GLDC: variants seen among roughly 807,000 people sequenced by gnomAD.
The protein encoded by GLDC is glycine decarboxylase.
Under a neutral mutation model 121.3 loss-of-function variants are expected in GLDC, and 104 were observed. The ratio of observed to expected loss-of-function variants is 0.86; its 90% CI spans 0.73 to 1.01. The LOEUF is 1.01. Ranked by LOEUF, GLDC falls within the 50% of genes least tolerant of loss-of-function variation. The pLI, the probability that GLDC is intolerant of heterozygous loss-of-function variation, is 0.00. For missense variants in GLDC, 1,429 were observed against 1,306.6 expected (o/e 1.09, Z -1.44); for synonymous variants, 546 against 480.6 (o/e 1.14, Z -1.78).
chr9:6,560,978 A>T (rs1452744231), intron 16 of GLDC, among the ~76,000 whole-genome samples: 2 of 152,216 alleles, frequency 1.3e-5, no homozygotes, highest in African/African-American at 4.8e-5. Context: ...CTGAAGCAGG[A>T]AGCTCGAGCC....
intron 2 of GLDC, 114 bp from the exon 3 acceptor site, chr9:6,620,433 A>T (rs1819067913): frequency 1.1e-6 from 1 of 909,484 alleles, no homozygotes; most frequent in Non-Finnish European, 1.8e-6. Context: ...CTATATGGAA[A>T]ATGTAAGAGT....
At chr9:6,629,957 A>ATATATTTTTTTTT in intron 2 of GLDC, among the ~76,000 whole-genome samples, 8 of 83,046 alleles carry the variant, frequency 9.6e-5, no homozygotes, top group African/African-American at 2.1e-4. Flanking sequence ...ATATATATAT[A>ATATATTTTTTTTT]TTTTTTTTTT....
intron 21 of GLDC, among the ~76,000 whole-genome samples, chr9:6,550,216 CTTATGGTA>C (rs1170731777): frequency 6.6e-6 from 1 of 152,200 alleles, no homozygotes; most frequent in Non-Finnish European, 1.5e-5. Context: ...AAATAATTAG[CTTATGGTA>C]TTTATGTACA....
chr9:6,634,306 G>T (rs1320226014), intron 2 of GLDC, among the ~76,000 whole-genome samples: 1 of 151,940 alleles, frequency 6.6e-6, no homozygotes, highest in Non-Finnish European at 1.5e-5. Flanking sequence ...AAGGCAGGCG[G>T]GTTGCTTGAG....
chr9:6,593,287 A>AT lies in GLDC; in HGVS notation c.1262-298_1262-297insA, dbSNP rs1377266695. ...GTATCAGATATATATATATATATAT[A>AT]AAATTATACCTTTTTTTTTTTGAGA... On this transcript the variant is annotated intron_variant, in intron 9 of 24. Transcript: ENST00000321612. Among the ~76,000 whole-genome samples, 506 of 149,864 alleles carry AT rather than the reference A, an allele frequency of 3.4e-3. 8 individuals carry two copies. Among genetic ancestry groups the AT allele is most frequent in the Non-Finnish European group, 3.2e-3 (214 of 67,568 alleles).
intron 4 of GLDC, among the ~76,000 whole-genome samples, chr9:6,608,044 A>G (rs972591486): frequency 1.3e-5 from 2 of 151,976 alleles, no homozygotes; most frequent in African/African-American, 4.8e-5. Context: ...GATTACTTGA[A>G]CTGGGGAAGT....
intron 5 of GLDC, chr9:6,605,498 T>C (rs1818711653): frequency 1.7e-6 from 1 of 596,046 alleles, no homozygotes; most frequent in East Asian, 3.1e-5. Flanking sequence ...TTCTATCCTC[T>C]GACTCCCCTT....
At chr9:6,533,195 G>A (rs764113678) in intron 24 of GLDC, 35 bp from the exon 25 acceptor site, 37 of 1,604,808 alleles carry the variant, frequency 2.3e-5, no homozygotes, top group Non-Finnish European at 2.9e-5. Flanking sequence ...GCTGTGAGAT[G>A]TTCTGGGAGG....
At chr9:6,617,887 T>TA (rs1818996935) in intron 3 of GLDC, among the ~76,000 whole-genome samples, 1 of 152,230 alleles carries the variant, frequency 6.6e-6, no homozygotes, top group African/African-American at 2.4e-5. Flanking sequence ...TGGTACAACT[T>TA]ATGATTTCCC....
chr9:6,607,760 C>T (rs1002263063), intron 4 of GLDC, among the ~76,000 whole-genome samples: 11 of 151,870 alleles, frequency 7.2e-5, no homozygotes, highest in Admixed American at 6.5e-5. Context: ...CCTTCCACCT[C>T]AGCACCCCGC....
At chr9:6,610,125 A>G in intron 4 of GLDC, 67 bp downstream of exon 4, 1 of 1,203,752 alleles carries the variant, frequency 8.3e-7, no homozygotes, top group Non-Finnish European at 1.2e-6. Context: ...AATATACTAT[A>G]GAAAGAAAAC....
chr9:6,558,055 G>A (rs964495550), intron 17 of GLDC: 6 of 214,502 alleles, frequency 2.8e-5, no homozygotes, highest in Admixed American at 5.2e-5. Flanking sequence ...CTGCCAGTCC[G>A]CTGGTGGGAA....
intron 1 of GLDC, 54 bp downstream of exon 1, chr9:6,645,191 A>C: frequency 1.3e-6 from 2 of 1,505,408 alleles, no homozygotes; most frequent in East Asian, 2.5e-5. Context: ...CCGCGCAGGC[A>C]GAGCCCGGGC....
At chr9:6,560,780 T>G (rs986016840) in intron 16 of GLDC, among the ~76,000 whole-genome samples, 1 of 152,222 alleles carries the variant, frequency 6.6e-6, no homozygotes, top group Non-Finnish European at 1.5e-5. Context: ...CCTGTCCTAA[T>G]CCTCGGAACC....
chr9:6,582,391 G>A (rs1455566408), intron 15 of GLDC, among the ~76,000 whole-genome samples: 1 of 151,828 alleles, frequency 6.6e-6, no homozygotes, highest in South Asian at 2.1e-4. Context: ...CACGGGGGCA[G>A]GCACCTGTAA....
At chr9:6,616,062 G>C (rs890737770) in intron 3 of GLDC, among the ~76,000 whole-genome samples, 5 of 152,126 alleles carry the variant, frequency 3.3e-5, no homozygotes, top group Non-Finnish European at 7.4e-5. Context: ...GCCTCCCAAG[G>C]AGCTGGGACC....
Position 6,565,553 on chromosome 9 carries a change from T to A in GLDC, c.1851-124A>T, listed in dbSNP as rs1817839840. On this transcript the variant is annotated intron_variant, in intron 15 of 24. Coordinates refer to ENST00000321612, the MANE Select transcript of GLDC (RefSeq NM_000170.3). ...TGACACATGGTCACTGTCCAGACGC[T>A]GAGAGAAGCTCATCAAGGAGCTCTG... 1.3e-5 allele frequency: 10 copies of A among 771,702 alleles called. No individual in the cohort carries two copies. In the South Asian group the frequency reaches 1.4e-4, roughly 11 times the overall value. The allele number at this position is 771,702 out of a possible 1,614,324, so 47.8% of individuals were successfully genotyped here.
chr9:6,615,945 C>G (rs1030466940), intron 3 of GLDC, among the ~76,000 whole-genome samples: 3 of 151,166 alleles, frequency 2.0e-5, no homozygotes, highest in Admixed American at 6.6e-5. Flanking sequence ...TGTTTGTATA[C>G]AGGCTTGTGC....
intron 8 of GLDC, among the ~76,000 whole-genome samples, chr9:6,600,007 C>T (rs1015787418): frequency 2.6e-5 from 4 of 152,226 alleles, no homozygotes; most frequent in East Asian, 3.9e-4. Flanking sequence ...AGCCCTGAGA[C>T]GAAAGAGCAC....
Sources: allele counts gnomAD v4.1 joint callset (sites outside exome capture counted in the v4.1 genomes callset), GRCh38; gene constraint gnomAD v4.1.1; transcripts MANE v1.5; gene names NCBI Gene and HGNC (gene_info 2026-07-23, HGNC 2026-07-21).